The following PDE6B variants were observed in gnomAD, a reference collection of about 807,000 sequenced individuals.
The protein encoded by PDE6B is rod cGMP-specific 3',5'-cyclic phosphodiesterase subunit beta.
In PDE6B, 106 loss-of-function variants were observed where a neutral mutation model predicts 109.0. The observed-to-expected ratio is 0.97, with a 90% CI of 0.83 to 1.14. The LOEUF (loss-of-function observed/expected upper bound fraction) is 1.14. Among genes scored for constraint, PDE6B ranks in the 50% most tolerant of loss-of-function variants. The probability of loss-of-function intolerance (pLI) is 0.00; values close to 1 mark genes in which losing one functional copy is unlikely to be tolerated. For synonymous variants in PDE6B, 490 were observed against 471.3 expected, an observed-to-expected ratio of 1.04 and a Z score of -0.51; for missense variants, 1,193 against 1,155.6, an observed-to-expected ratio of 1.03 and a Z score of -0.47.
At chr4:634,555 C>T in intron 1 of PDE6B, 122 bp from the exon 2 acceptor site, 1 of 851,470 alleles carries the variant, frequency 1.2e-6, no homozygotes, top group East Asian at 2.4e-5. Flanking sequence ...CCCAGCAGGG[C>T]CCCTGGGCAC....
In PDE6B at chr4:670,217, G is replaced by A. The variant is rs1738363230; in HGVS notation, c.*110G>A. 2 of 1,464,378 alleles carry A rather than the reference G, an allele frequency of 1.4e-6. No homozygotes were observed. The highest frequency in any genetic ancestry group is 1.8e-5 in the Admixed American group (1 of 55,292). The allele number at this position is 1,464,378 out of a possible 1,614,324, so 90.7% of individuals were successfully genotyped here. A position where few individuals can be genotyped will look rare whatever the true frequency, so the allele number is the denominator to read the frequency against. On this transcript the variant is annotated 3_prime_UTR_variant, in exon 22 of 22. Coordinates refer to ENST00000496514, the MANE Select transcript of PDE6B (RefSeq NM_000283.4). ...GGTTAGGAAGCCCAAGAAAATGACTGAAGATCATTCTGGATATTTTAATTT... is the reference window on the plus strand; with the variant it reads ...GGTTAGGAAGCCCAAGAAAATGACTAAAGATCATTCTGGATATTTTAATTT...
Position 654,853 on chromosome 4 carries a change from C to T in PDE6B, c.957C>T (p.Tyr319=), listed in dbSNP as rs748498732. ...TTGTCTTCTACAAAGTGATCGACTA[C>T]GTCCTCCACGGCAAGGAGGAGATCA... is the stretch of plus-strand genomic sequence containing the variant. The part of the protein sequence containing the change: ...REIVFYKVID[Y]VLHGKEEIKV... Residue 319 remains tyrosine (Y), a synonymous_variant, in exon 6 of 22, where the codon TAC becomes TAT. Coordinates refer to ENST00000496514, the MANE Select transcript of PDE6B (RefSeq NM_000283.4). 1 of 1,576,192 alleles carries T rather than the reference C, an allele frequency of 6.3e-7. No individual in the cohort carries two copies. Among genetic ancestry groups the T allele is most frequent in the South Asian group, 1.1e-5 (1 of 90,296 alleles).
Position 663,146 on chromosome 4 carries a change from C to A in PDE6B, c.1879C>A (p.Arg627=). 6.2e-7 allele frequency: 1 copy of A among 1,611,606 alleles called. No individual in the cohort carries two copies. The highest frequency in any genetic ancestry group is 1.1e-5 in the South Asian group (1 of 91,034). ...GCTCCACGGCTCCTCGATTTTGGAGCGGCACCACCTGGAGTTTGGGAAGTT... is the reference window on the plus strand; with the variant it reads ...GCTCCACGGCTCCTCGATTTTGGAGAGGCACCACCTGGAGTTTGGGAAGTT... The part of the protein sequence containing the change: ...AKLHGSSILE[R]HHLEFGKFLL... The change falls in exon 15 of 22, where the codon CGG becomes AGG. Residue 627 remains arginine, a synonymous_variant. Transcript: ENST00000496514. This position sits in a 1 kb window ranked among gnomAD's most constrained non-coding sequence, Gnocchi z 4.0.
At chr4:655,656 A>G (rs1275349744) in intron 6 of PDE6B, 1 of 538,954 alleles carries the variant, frequency 1.9e-6, no homozygotes, top group Non-Finnish European at 3.4e-6. Flanking sequence ...GCACTCAGAG[A>G]AGAGAGTAAA....
chr4:641,543 C>T (rs1734943819), intron 3 of PDE6B, among the ~76,000 whole-genome samples: 1 of 152,244 alleles, frequency 6.6e-6, no homozygotes, highest in South Asian at 2.1e-4. Context: ...GTCTATTGGG[C>T]TGTGCGGCAG....
At chr4:645,730 G>T (rs1006321010) in intron 3 of PDE6B, among the ~76,000 whole-genome samples, 6 of 151,400 alleles carry the variant, frequency 4.0e-5, no homozygotes, top group African/African-American at 1.5e-4. Context: ...GGTTTTAATT[G>T]AACGTCTTAT....
chr4:627,662 T>G (rs1577236505), intron 1 of PDE6B, among the ~76,000 whole-genome samples: 2 of 121,684 alleles, frequency 1.6e-5, no homozygotes, highest in Non-Finnish European at 1.7e-5. Context: ...CCTCCCCCCG[T>G]TCCCTCCTCC....
At chr4:630,067 G>A (rs1343442656) in intron 1 of PDE6B, among the ~76,000 whole-genome samples, 1 of 152,176 alleles carries the variant, frequency 6.6e-6, no homozygotes, top group Non-Finnish European at 1.5e-5. Flanking sequence ...CCCCCGGCCA[G>A]GCATCACTAC....
chr4:653,797 G>A (rs1735827994), intron 3 of PDE6B, 55 bp from the exon 4 acceptor site: 1 of 1,601,334 alleles, frequency 6.2e-7, no homozygotes, highest in Non-Finnish European at 8.5e-7. Context: ...GCTGTGGTCA[G>A]ACCGGCGTGA....
At chr4:655,565 C>G in intron 6 of PDE6B, 5 of 381,280 alleles carry the variant, frequency 1.3e-5, no homozygotes, top group South Asian at 1.1e-4. Flanking sequence ...GGCCCCAGCA[C>G]GGCAGCCTGG....
chr4:644,719 G>A (rs780409105), intron 3 of PDE6B, among the ~76,000 whole-genome samples: 1 of 151,758 alleles, frequency 6.6e-6, no homozygotes, highest in Non-Finnish European at 1.5e-5. Flanking sequence ...TAGTAGAGAC[G>A]GGATTTCCCC....
chr4:659,663 C>T (rs867487458), intron 11 of PDE6B, among the ~76,000 whole-genome samples: 2 of 147,898 alleles, frequency 1.4e-5, no homozygotes, highest in African/African-American at 2.5e-5. Context: ...TGTGTGCCCA[C>T]GAGTATGTGT....
In PDE6B at chr4:638,855, C is replaced by G. The variant is rs115051550; in HGVS notation, c.711+2886C>G. Among the ~76,000 whole-genome samples, 275 of 152,308 alleles carry G rather than the reference C, an allele frequency of 1.8e-3. 1 individual carries two copies. Among genetic ancestry groups the G allele is most frequent in the African/African-American group, 6.2e-3 (259 of 41,562 alleles). On this transcript the variant is annotated intron_variant, in intron 3 of 21. Coordinates refer to ENST00000496514, the MANE Select transcript of PDE6B (RefSeq NM_000283.4). ...CGTGCCTAATTATCCAGCCCTCAAC[C>G]AGGGGCTCACTCACACAGGAAACTT...
At chr4:658,587 C>G (rs1293023942) in intron 10 of PDE6B, among the ~76,000 whole-genome samples, 2 of 152,092 alleles carry the variant, frequency 1.3e-5, no homozygotes, top group Non-Finnish European at 2.9e-5. Context: ...GGGGCCAGAG[C>G]TGAGTACAGC....
rs531229967 is a variant in PDE6B, at chr4:668,598, C to T, written c.2503+592C>T. On this transcript the variant is annotated intron_variant, in intron 21 of 21. Coordinates refer to ENST00000496514, the MANE Select transcript of PDE6B (RefSeq NM_000283.4). ...TAGTACCACTACCCCATGCTATTCC[C>T]GCTACCCCATGCTATTCCCCTACCC... 5.7e-4 allele frequency among the ~76,000 whole-genome samples: 72 copies of T among 125,684 alleles called. 1 individual carries two copies. Among genetic ancestry groups the T allele is most frequent in the African/African-American group, 1.4e-3 (41 of 29,162 alleles). The allele number at this position is 125,684 out of a possible 152,430, so 82.5% of individuals were successfully genotyped here.
intron 5 of PDE6B, 158 bp from the exon 6 acceptor site, chr4:654,666 G>A (rs1041578069): frequency 5.5e-5 from 41 of 745,804 alleles, no homozygotes; most frequent in South Asian, 1.3e-4. Flanking sequence ...ACCTGCGCAC[G>A]GCGGAGACAT....
At chr4:628,530 C>T (rs1465526133) in intron 1 of PDE6B, among the ~76,000 whole-genome samples, 1 of 152,226 alleles carries the variant, frequency 6.6e-6, no homozygotes, top group South Asian at 2.1e-4. Context: ...GGTGCTGCAG[C>T]GGCTAAACCA....
chr4:626,017 G>T lies in PDE6B; in HGVS notation c.391G>T (p.Val131Phe). 1 of 1,593,156 alleles carries T rather than the reference G, an allele frequency of 6.3e-7. No homozygotes were observed. Among genetic ancestry groups the T allele is most frequent in the Non-Finnish European group, 8.5e-7 (1 of 1,170,650 alleles). The change falls in exon 1 of 22, where the codon GTC becomes TTC. Residue 131 changes from valine to phenylalanine, a missense_variant. By Grantham distance (50) the Val-to-Phe change is conservative (BLOSUM62 -1). Transcript: ENST00000496514. This position sits in a 1 kb window ranked among gnomAD's most constrained non-coding sequence, Gnocchi z 4.6. Reference sequence around the variant, plus strand: ...CCTGGTGCCCCCCGACTCCGAGATCGTCTTCCCACTGGACATCGGGGTCGT... The same window carrying T: ...CCTGGTGCCCCCCGACTCCGAGATCTTCTTCCCACTGGACATCGGGGTCGT... ...DCLVPPDSEI[V>F]FPLDIGVVGH...
chr4:658,959 G>A lies in PDE6B; in HGVS notation c.1409G>A (p.Arg470Lys), dbSNP rs1482812520. The A allele has an allele frequency of 6.2e-7, 1 of 1,613,018 alleles. No homozygotes were observed. Among genetic ancestry groups the A allele is most frequent in the Admixed American group, 1.7e-5 (1 of 60,024 alleles). ...RDEIQLILPTRARLGKEPADC... is the reference protein window; with the variant it reads ...RDEIQLILPTKARLGKEPADC... Reference sequence around the variant, plus strand: ...ATCTGTGTCTCTGTGTAGCCAACCAGAGCGCGCCTGGGGAAGGAGCCTGCT... The same window carrying A: ...ATCTGTGTCTCTGTGTAGCCAACCAAAGCGCGCCTGGGGAAGGAGCCTGCT... The change falls in exon 11 of 22, where the codon AGA becomes AAA. Residue 470 changes from arginine (R) to lysine (K), a missense_variant. Transcript: ENST00000496514.
Sources: gnomAD v4.1 joint callset for allele counts (sites outside exome capture counted in the v4.1 genomes callset) on GRCh38, gnomAD v4.1.1 for gene constraint, Gnocchi (gnomAD v3.1) non-coding constraint, MANE v1.5 for transcripts, NCBI Gene and HGNC (gene_info 2026-07-23, HGNC 2026-07-21) for gene names.